The following PRR5L variants were observed in gnomAD, a reference collection of about 807,000 sequenced individuals.
PRR5L encodes proline-rich protein 5-like.
Under a neutral mutation model 36.4 loss-of-function variants are expected in PRR5L, and 21 were observed. That is an observed-to-expected ratio of 0.58 (90% CI 0.41 to 0.83). PRR5L has a LOEUF of 0.83. Among genes scored for constraint, PRR5L ranks in the 40% least tolerant of loss-of-function variants. PRR5L has a pLI of 0.00. For missense variants in PRR5L, 381 were observed against 473.3 expected, an observed-to-expected ratio of 0.80 and a Z score of 1.81; for synonymous variants, 188 against 197.0, an observed-to-expected ratio of 0.95 and a Z score of 0.38.
At chr11:36,458,692 C>T (rs1859115960) in intron 8 of PRR5L, among the ~76,000 whole-genome samples, 1 of 152,208 alleles carries the variant, frequency 6.6e-6, no homozygotes, top group Admixed American at 6.5e-5. Context: ...ACACACGTGT[C>T]TAGGGCCCTC....
chr11:36,348,111 T>G (rs565219448), intron 1 of PRR5L, among the ~76,000 whole-genome samples: 1 of 152,288 alleles, frequency 6.6e-6, no homozygotes, highest in South Asian at 2.1e-4. Context: ...CTTATTATTG[T>G]GGTCGTTACT....
chr11:36,335,216 C>A (rs1158495673), intron 1 of PRR5L, among the ~76,000 whole-genome samples: 1 of 152,116 alleles, frequency 6.6e-6, no homozygotes, highest in Non-Finnish European at 1.5e-5. Context: ...AGGTGCACGC[C>A]ATTACGCCAG....
chr11:36,408,531 C>T (rs532755817), intron 3 of PRR5L, among the ~76,000 whole-genome samples: 18 of 152,284 alleles, frequency 1.2e-4, no homozygotes, highest in Admixed American at 2.6e-4. Flanking sequence ...CCTAAATTTC[C>T]ATCTGCCAGA....
In PRR5L at chr11:36,356,687, C is replaced by T. The variant is rs1053224486; in HGVS notation, c.-125-44310C>T. 5.9e-5 allele frequency among the ~76,000 whole-genome samples: 9 copies of T among 152,174 alleles called. No individual in the cohort carries two copies. In the East Asian group the frequency reaches 1.7e-3, roughly 29 times the overall value. Reference sequence around the variant, plus strand: ...TATCATCAGTGATCTTTGCTGTTACCATTGTAATTGTTTTGGGGCACCACA... The same window carrying T: ...TATCATCAGTGATCTTTGCTGTTACTATTGTAATTGTTTTGGGGCACCACA... On this transcript the variant is annotated intron_variant, in intron 1 of 8. Transcript: ENST00000530639.
rs551454673 is a variant in PRR5L at position 36,375,184 on chromosome 11, C to T, written c.-125-25813C>T. Among the ~76,000 whole-genome samples the T allele has an allele frequency of 4.0e-5, 6 of 150,808 alleles. 1 individual carries two copies. The South Asian group carries it at 6.3e-4, about 16-fold the overall frequency. On this transcript the variant is annotated intron_variant, in intron 1 of 8. Transcript: ENST00000530639. ...CGGGGAGGTGGAGGTTGCAGGGAGCCGAGATCATGCCACTGCACTCCAGCC... is the reference window on the plus strand; with the variant it reads ...CGGGGAGGTGGAGGTTGCAGGGAGCTGAGATCATGCCACTGCACTCCAGCC...
rs561889452 is a variant in PRR5L, at chr11:36,433,280, G to T, written c.352+1370G>T. Among the ~76,000 whole-genome samples the T allele has an allele frequency of 2.0e-5, 3 of 151,836 alleles. 1 individual carries two copies. The highest frequency in any genetic ancestry group is 3.4e-3 in the Middle Eastern group (1 of 294). On this transcript the variant is annotated intron_variant, in intron 5 of 8. Transcript: ENST00000530639. ...ACATTGCCCCCTTTCCTCAGCCCCC[G>T]ACAGCCACCATCTTATTTTTTGTTT...
chr11:36,364,939 A>G (rs78613190), intron 1 of PRR5L, among the ~76,000 whole-genome samples: 16,212 of 152,140 alleles, frequency 0.11, 958 homozygotes, highest in Non-Finnish European at 0.13. Flanking sequence ...GTGGCTGCTC[A>G]GTGGAGGAGG....
intron 5 of PRR5L, among the ~76,000 whole-genome samples, chr11:36,436,010 G>A (rs1341778989): frequency 6.6e-6 from 1 of 152,224 alleles, no homozygotes; most frequent in East Asian, 1.9e-4. Context: ...AGTGTGATCA[G>A]TGGTTTGCAC....
chr11:36,379,635 G>T (rs997268384), intron 1 of PRR5L, among the ~76,000 whole-genome samples: 36 of 152,304 alleles, frequency 2.4e-4, no homozygotes, highest in African/African-American at 8.7e-4. Flanking sequence ...TATGGGGTTT[G>T]GAATTGGGGA....
At chr11:36,352,456 T>G (rs1856985383) in intron 1 of PRR5L, among the ~76,000 whole-genome samples, 1 of 152,162 alleles carries the variant, frequency 6.6e-6, no homozygotes. Flanking sequence ...TTGAGTCCCA[T>G]CTATTTATCT....
At chr11:36,418,567 C>A (rs1016179082) in intron 3 of PRR5L, among the ~76,000 whole-genome samples, 1 of 152,090 alleles carries the variant, frequency 6.6e-6, no homozygotes, top group Non-Finnish European at 1.5e-5. Context: ...GAGGCCGAGG[C>A]GGGCGGATCA....
At chr11:36,365,507 A>T in intron 1 of PRR5L, among the ~76,000 whole-genome samples, 1 of 151,702 alleles carries the variant, frequency 6.6e-6, no homozygotes. Context: ...AAACTATTGA[A>T]TTTTTTTTTC....
At chr11:36,446,127 T>C (rs1301056891) in intron 6 of PRR5L, among the ~76,000 whole-genome samples, 173 bp from the exon 7 acceptor site, 3 of 152,212 alleles carry the variant, frequency 2.0e-5, no homozygotes, top group Non-Finnish European at 4.4e-5. Context: ...CTTAACAGCA[T>C]TTTAATTCTA....
At chr11:36,300,020 T>A (rs1345140020) in intron 1 of PRR5L, among the ~76,000 whole-genome samples, 2 of 152,192 alleles carry the variant, frequency 1.3e-5, no homozygotes, top group Non-Finnish European at 2.9e-5. Context: ...GGAAAGTCTT[T>A]GACTGCTTGA....
Position 36,377,260 on chromosome 11 carries a change from G to T in PRR5L, c.-125-23737G>T, listed in dbSNP as rs1304878493. On this transcript the variant is annotated intron_variant, in intron 1 of 8. Coordinates refer to ENST00000530639, the MANE Select transcript of PRR5L (RefSeq NM_001160167.2). This position sits in a 1 kb window ranked among gnomAD's most constrained non-coding sequence, Gnocchi z 5.1. The stretch of plus-strand genomic sequence containing the variant: ...GCGCTGCTGCACGCGCGCGCTCTGC[G>T]GACTAGGGTGGGCCAGGGCCCAGCC... 6.6e-6 allele frequency among the ~76,000 whole-genome samples: 1 copy of T among 152,206 alleles called. No homozygotes were observed. Among genetic ancestry groups the T allele is most frequent in the African/African-American group, 2.4e-5 (1 of 41,458 alleles).
At chr11:36,371,793 T>G (rs1383790538) in intron 1 of PRR5L, among the ~76,000 whole-genome samples, 1 of 152,112 alleles carries the variant, frequency 6.6e-6, no homozygotes, top group Non-Finnish European at 1.5e-5. Context: ...GCATGGTGGT[T>G]TAGGTCTGTA....
intron 1 of PRR5L, among the ~76,000 whole-genome samples, chr11:36,336,037 C>T (rs1054592045): frequency 6.6e-5 from 10 of 152,070 alleles, no homozygotes; most frequent in African/African-American, 1.7e-4. Context: ...CCATGAGGTT[C>T]GAGGAGAGAG....
chr11:36,372,071 A>AT (rs1857203658), intron 1 of PRR5L, among the ~76,000 whole-genome samples: 1 of 152,204 alleles, frequency 6.6e-6, no homozygotes, highest in African/African-American at 2.4e-5. Flanking sequence ...AAAATAAAAA[A>AT]AAATAATAAT....
chr11:36,433,329 T>A (rs1174199512), intron 5 of PRR5L, among the ~76,000 whole-genome samples: 3 of 152,156 alleles, frequency 2.0e-5, no homozygotes, highest in African/African-American at 7.2e-5. Flanking sequence ...AATCTAGGCG[T>A]CTTATAAGTG....
Sources: allele counts gnomAD v4.1 joint callset (sites outside exome capture counted in the v4.1 genomes callset), GRCh38; gene constraint gnomAD v4.1.1; non-coding constraint Gnocchi (gnomAD v3.1); transcripts MANE v1.5; gene names NCBI Gene and HGNC (gene_info 2026-07-23, HGNC 2026-07-21).